The following THRB variants were observed in gnomAD, a reference collection of about 807,000 sequenced individuals.
THRB encodes the protein thyroid hormone receptor beta.
A neutral mutation model predicts 47.8 loss-of-function variants in THRB; 12 were observed. That is an observed-to-expected ratio of 0.25 (90% CI 0.16 to 0.41). The LOEUF is 0.41. THRB is among the 10% of genes least tolerant of loss of function. THRB has a pLI of 1.00. For synonymous variants in THRB, 218 were observed against 212.2 expected (o/e 1.03, Z -0.24); for missense variants, 348 against 589.2 (o/e 0.59, Z 4.24).
At chr3:24,371,446 G>A (rs1361578403) in intron 1 of THRB, among the ~76,000 whole-genome samples, 9 of 151,998 alleles carry the variant, frequency 5.9e-5, no homozygotes, top group African/African-American at 1.7e-4. Context: ...GAGATTTTAT[G>A]TATTATCTTA....
intron 3 of THRB, among the ~76,000 whole-genome samples, chr3:24,252,732 A>T (rs1028536454): frequency 6.6e-6 from 1 of 152,120 alleles, no homozygotes; most frequent in Non-Finnish European, 1.5e-5. Context: ...AATGTAAAAA[A>T]AGAATAAGAG....
chr3:24,269,956 C>CT lies in THRB; in HGVS notation c.-43+27269dup, dbSNP rs569770323. On this transcript the variant is annotated intron_variant, in intron 3 of 10. Transcript: ENST00000646209. ...AATTGTTTTCTCACAAAACTCTTAG[C>CT]TTTTTTTTTGCACCATCTAATGTAT... Among the ~76,000 whole-genome samples the CT allele has an allele frequency of 2.9e-3, 443 of 151,102 alleles. 2 individuals are homozygous for CT. Among genetic ancestry groups the CT allele is most frequent in the South Asian group, 9.8e-3 (47 of 4,772 alleles).
intron 1 of THRB, among the ~76,000 whole-genome samples, chr3:24,485,226 AG>A (rs1486589802): frequency 3.3e-5 from 5 of 152,372 alleles, no homozygotes; most frequent in African/African-American, 9.6e-5. Context: ...ATAGGCTGTG[AG>A]ATGGTCTTTA....
Position 24,152,377 on chromosome 3 carries a change from C to T in THRB, c.384+13G>A, listed in dbSNP as rs1023592740. The stretch of plus-strand genomic sequence containing the variant: ...TGGGCTAAGCTCTGTGCTTGTGGAC[C>T]CAGGGCAATTACCTTGCAGCCTTCA... On this transcript the variant is annotated intron_variant, in intron 6 of 10. Coordinates refer to ENST00000646209, the MANE Select transcript of THRB (RefSeq NM_001354712.2). 2 of 1,549,254 alleles carry T rather than the reference C, an allele frequency of 1.3e-6. No homozygotes were observed. The highest frequency in any genetic ancestry group is 1.8e-6 in the Non-Finnish European group (2 of 1,121,272).
At chr3:24,350,774 G>T (rs2149533661) in intron 1 of THRB, among the ~76,000 whole-genome samples, 1 of 152,224 alleles carries the variant, frequency 6.6e-6, no homozygotes, top group South Asian at 2.1e-4. Context: ...GTATGCTAAT[G>T]ATTTGTGTAC....
chr3:24,219,279 G>A (rs1028296342), intron 4 of THRB, among the ~76,000 whole-genome samples: 2 of 152,110 alleles, frequency 1.3e-5, no homozygotes, highest in African/African-American at 4.8e-5. Flanking sequence ...GGGTGACAGA[G>A]TGTGAGACCC....
intron 1 of THRB, among the ~76,000 whole-genome samples, chr3:24,441,698 G>A (rs561010036): frequency 5.3e-5 from 8 of 152,266 alleles, no homozygotes; most frequent in African/African-American, 1.9e-4. Flanking sequence ...CTGTGAGAAA[G>A]CAAGACTACA....
At chr3:24,489,971 G>A (rs904485538) in intron 1 of THRB, among the ~76,000 whole-genome samples, 1 of 152,056 alleles carries the variant, frequency 6.6e-6, no homozygotes, top group Admixed American at 6.6e-5. Context: ...AATCTCACTG[G>A]AATTTACATT....
At chr3:24,204,034 A>C (rs2044960736) in intron 4 of THRB, among the ~76,000 whole-genome samples, 1 of 152,254 alleles carries the variant, frequency 6.6e-6, no homozygotes, top group Admixed American at 6.5e-5. Flanking sequence ...GGAGCCCACC[A>C]CAAGCTCAAG....
intron 2 of THRB, among the ~76,000 whole-genome samples, chr3:24,304,178 A>G (rs1286054586): frequency 6.6e-6 from 1 of 152,160 alleles, no homozygotes; most frequent in Non-Finnish European, 1.5e-5. Flanking sequence ...TTTGAACGAC[A>G]TATTCTACAC....
chr3:24,153,848 A>T lies in THRB; in HGVS notation c.284-1358T>A, dbSNP rs76363162. The stretch of plus-strand genomic sequence containing the variant: ...CTTTCTCCCTATCATGGTCCTTATG[A>T]AGTTTTTTGACTCAGTTCAGCAAAG... On this transcript the variant is annotated intron_variant, in intron 5 of 10. Coordinates refer to ENST00000646209, the MANE Select transcript of THRB (RefSeq NM_001354712.2). Among the ~76,000 whole-genome samples the T allele has an allele frequency of 4.9e-3, 752 of 152,248 alleles. 11 individuals are homozygous for T. The highest frequency in any genetic ancestry group is 0.017 in the African/African-American group (713 of 41,554).
At position 24,228,928 on chromosome 3, in the gene THRB, A is replaced by T. The variant is rs201792805; in HGVS notation, c.22+10T>A. Reference sequence around the variant, plus strand: ...AGGCACACAAAGAAAATGTAAAAAAAAAAAGATACCTGTCATACTGTTGGG... The same window carrying T: ...AGGCACACAAAGAAAATGTAAAAAATAAAAGATACCTGTCATACTGTTGGG... On this transcript the variant is annotated intron_variant, in intron 4 of 10. Coordinates refer to ENST00000646209, the MANE Select transcript of THRB (RefSeq NM_001354712.2). The T allele has an allele frequency of 1.4e-5, 23 of 1,606,866 alleles. 2 individuals are homozygous for T. In the Admixed American group the frequency reaches 3.6e-4, roughly 25 times the overall value.
At chr3:24,133,518 A>G in intron 8 of THRB, 56 bp from the exon 9 acceptor site, 1 of 1,528,870 alleles carries the variant, frequency 6.5e-7, no homozygotes. Context: ...AGCTTTATTT[A>G]TCATAGTTCT....
At chr3:24,468,639 A>G (rs1225520769) in intron 1 of THRB, among the ~76,000 whole-genome samples, 5 of 152,188 alleles carry the variant, frequency 3.3e-5, no homozygotes, top group Non-Finnish European at 5.9e-5. Context: ...AGTTAGACAC[A>G]CACATTTATT....
chr3:24,217,600 A>G (rs1559633302), intron 4 of THRB, among the ~76,000 whole-genome samples: 1 of 152,140 alleles, frequency 6.6e-6, no homozygotes, highest in Non-Finnish European at 1.5e-5. Context: ...CCAAGCAAGT[A>G]AAATGAAATT....
chr3:24,210,009 A>T (rs143758038), intron 4 of THRB, among the ~76,000 whole-genome samples: 7 of 152,192 alleles, frequency 4.6e-5, no homozygotes, highest in African/African-American at 1.4e-4. Flanking sequence ...TGTGGAGAGA[A>T]CAGAATTAAC....
At chr3:24,403,528 CT>C (rs34940189) in intron 1 of THRB, among the ~76,000 whole-genome samples, 93,539 of 151,596 alleles carry the variant, frequency 0.62, 29,338 homozygotes, top group Non-Finnish European at 0.66. Flanking sequence ...TACTTTTTCA[CT>C]GTGTTGACAT....
At chr3:24,244,894 A>G (rs1370244968) in intron 3 of THRB, among the ~76,000 whole-genome samples, 2 of 152,190 alleles carry the variant, frequency 1.3e-5, no homozygotes, top group Non-Finnish European at 2.9e-5. Flanking sequence ...CTCTTCTGGG[A>G]GCTTAACAGC....
At position 24,445,606 on chromosome 3, in the gene THRB, A is replaced by AT. The variant is rs544581836; in HGVS notation, c.-261+49045dup. Reference sequence around the variant, plus strand: ...CCAATAAGCATTCAAAATTTTTAAAATTTTTTTTAAAAAACTAATGCTTAA... The same window carrying AT: ...CCAATAAGCATTCAAAATTTTTAAAATTTTTTTTTAAAAAACTAATGCTTAA... On this transcript the variant is annotated intron_variant, in intron 1 of 10. Coordinates refer to ENST00000646209, the MANE Select transcript of THRB (RefSeq NM_001354712.2). 2.3e-3 allele frequency among the ~76,000 whole-genome samples: 357 copies of AT among 152,202 alleles called. 1 individual carries two copies. Among genetic ancestry groups the AT allele is most frequent in the Non-Finnish European group, 4.3e-3 (291 of 67,996 alleles).
Sources: allele counts gnomAD v4.1 joint callset (sites outside exome capture counted in the v4.1 genomes callset), GRCh38; gene constraint gnomAD v4.1.1; transcripts MANE v1.5; gene names NCBI Gene and HGNC (gene_info 2026-07-23, HGNC 2026-07-21).